The following PEBP4 variants were observed in gnomAD, a reference collection of about 807,000 sequenced individuals.
PEBP4 encodes phosphatidylethanolamine-binding protein 4.
Under a neutral mutation model 23.9 loss-of-function variants are expected in PEBP4, and 22 were observed. The ratio of observed to expected loss-of-function variants is 0.92; its 90% CI spans 0.66 to 1.31. PEBP4 has a LOEUF of 1.31. Ranked by LOEUF, PEBP4 falls within the 40% of genes most tolerant of loss-of-function variation. The pLI is 0.00. For missense variants in PEBP4, 324 were observed against 281.7 expected (o/e 1.15, Z -1.07); for synonymous variants, 112 against 99.3 (o/e 1.13, Z -0.76).
intron 4 of PEBP4, among the ~76,000 whole-genome samples, chr8:22,748,078 G>T (rs1019116860): frequency 3.9e-5 from 6 of 152,206 alleles, no homozygotes; most frequent in African/African-American, 1.4e-4. Flanking sequence ...ACATCCACAC[G>T]CATGTGCACA....
intron 4 of PEBP4, among the ~76,000 whole-genome samples, chr8:22,810,457 A>G (rs1241407259): frequency 6.6e-6 from 1 of 152,014 alleles, no homozygotes; most frequent in East Asian, 1.9e-4. Context: ...TCCTAAGAGC[A>G]TCTGCTCAGG....
intron 3 of PEBP4, among the ~76,000 whole-genome samples, chr8:22,838,244 G>T (rs1011664812): frequency 2.0e-5 from 3 of 152,070 alleles, no homozygotes; most frequent in Non-Finnish European, 4.4e-5. Flanking sequence ...TTTCTTTGTT[G>T]CTCCTGAAGT....
At chr8:22,849,765 G>A (rs538313535) in intron 3 of PEBP4, among the ~76,000 whole-genome samples, 116 of 152,292 alleles carry the variant, frequency 7.6e-4, no homozygotes, top group African/African-American at 2.6e-3. Context: ...GCAAATAAAG[G>A]TTAAAGATGT....
At chr8:22,794,851 G>A (rs1184251191) in intron 4 of PEBP4, among the ~76,000 whole-genome samples, 1 of 151,788 alleles carries the variant, frequency 6.6e-6, no homozygotes, top group Non-Finnish European at 1.5e-5. Flanking sequence ...TTCTATTATG[G>A]TTTAACTTTA....
Position 22,744,064 on chromosome 8 carries a change from C to A in PEBP4, c.358-16844G>T, listed in dbSNP as rs771216630. On this transcript the variant is annotated intron_variant, in intron 4 of 6. Coordinates refer to ENST00000256404, the MANE Select transcript of PEBP4 (RefSeq NM_144962.3). ...TTTAAAGAGATACTTGCCCTGTGTT[C>A]CCAGGATCAGCTCCCTGAGAGACTC... 9.2e-5 allele frequency among the ~76,000 whole-genome samples: 14 copies of A among 152,196 alleles called. 1 individual carries two copies. The highest frequency in any genetic ancestry group is 1.5e-5 in the Non-Finnish European group (1 of 68,038).
intron 1 of PEBP4, among the ~76,000 whole-genome samples, chr8:22,938,396 C>T (rs1489518960): frequency 2.0e-5 from 3 of 152,218 alleles, no homozygotes; most frequent in Non-Finnish European, 4.4e-5. Flanking sequence ...CCTTCATGTG[C>T]TATTTAAACA....
intron 3 of PEBP4, among the ~76,000 whole-genome samples, chr8:22,864,841 G>A (rs1290406459): frequency 6.6e-6 from 1 of 152,190 alleles, no homozygotes; most frequent in Non-Finnish European, 1.5e-5. Context: ...GGGGGCCGCT[G>A]GGCACCGCCG....
chr8:22,935,954 C>T (rs1431791170), intron 1 of PEBP4, among the ~76,000 whole-genome samples: 2 of 145,504 alleles, frequency 1.4e-5, no homozygotes, highest in Non-Finnish European at 3.0e-5. Context: ...GTTGTAAATG[C>T]TTATATTAAA....
intron 4 of PEBP4, among the ~76,000 whole-genome samples, chr8:22,749,805 CTTTT>C (rs71206545): frequency 2.4e-5 from 2 of 83,760 alleles, no homozygotes; most frequent in African/African-American, 3.9e-5. Context: ...GTTTGTCATT[CTTTT>C]TTTTTTTTTT....
intron 4 of PEBP4, among the ~76,000 whole-genome samples, chr8:22,764,568 T>C (rs1805572536): frequency 6.6e-6 from 1 of 152,198 alleles, no homozygotes; most frequent in African/African-American, 2.4e-5. Flanking sequence ...TATATTATAA[T>C]AGTGTTCGCA....
At chr8:22,728,547 TCTTTCTTTCTTTCTTCCTTCCTTCCTTC>T (rs1190271170) in intron 4 of PEBP4, among the ~76,000 whole-genome samples, 26 of 107,748 alleles carry the variant, frequency 2.4e-4, no homozygotes, top group South Asian at 3.3e-4. Flanking sequence ...TTCCTTCCTT[TCTTTCTTTCTTTCTTCCTTCCTTCCTTC>T]CTTCCTTCCT....
At chr8:22,779,075 A>AGGGGGGGG (rs1554484511) in intron 4 of PEBP4, among the ~76,000 whole-genome samples, 1 of 4,134 alleles carries the variant, frequency 2.4e-4, no homozygotes. Flanking sequence ...TGGGCGGGGG[A>AGGGGGGGG]GGTGGGGGAG....
intron 6 of PEBP4, among the ~76,000 whole-genome samples, chr8:22,716,344 G>A (rs1804419057): frequency 6.6e-6 from 1 of 152,198 alleles, no homozygotes; most frequent in South Asian, 2.1e-4. Flanking sequence ...AGTGATGAGA[G>A]ATGTTAGATT....
chr8:22,890,063 G>T (rs1808462026), intron 3 of PEBP4, among the ~76,000 whole-genome samples: 3 of 152,196 alleles, frequency 2.0e-5, no homozygotes, highest in African/African-American at 7.2e-5. Flanking sequence ...AGGAGAACAT[G>T]AGCCAGTACT....
intron 3 of PEBP4, among the ~76,000 whole-genome samples, chr8:22,869,661 G>A (rs1194168680): frequency 6.6e-6 from 1 of 152,188 alleles, no homozygotes; most frequent in Non-Finnish European, 1.5e-5. Flanking sequence ...AGACATACTT[G>A]ATAATGGACT....
At chr8:22,863,238 A>G (rs953000700) in intron 3 of PEBP4, among the ~76,000 whole-genome samples, 1 of 152,128 alleles carries the variant, frequency 6.6e-6, no homozygotes, top group African/African-American at 2.4e-5. Context: ...CTGCCCCAGT[A>G]GACAAAGCTG....
intron 6 of PEBP4, among the ~76,000 whole-genome samples, chr8:22,715,413 G>A: frequency 8.0e-6 from 1 of 125,712 alleles, no homozygotes; most frequent in Middle Eastern, 4.5e-3. Context: ...TGTATGTGTG[G>A]GTGCACGTGT....
chr8:22,808,964 C>T (rs1284505897), intron 4 of PEBP4, among the ~76,000 whole-genome samples: 1 of 152,204 alleles, frequency 6.6e-6, no homozygotes, highest in African/African-American at 2.4e-5. Context: ...TGGCTTCTCT[C>T]CTTCAAGGTC....
At chr8:22,729,778 G>C (rs1198948452) in intron 4 of PEBP4, among the ~76,000 whole-genome samples, 1 of 152,308 alleles carries the variant, frequency 6.6e-6, no homozygotes, top group East Asian at 1.9e-4. Flanking sequence ...CAGAAAGAAC[G>C]GGGGAGGACC....
Sources: gnomAD v4.1 joint callset for allele counts (sites outside exome capture counted in the v4.1 genomes callset) on GRCh38, gnomAD v4.1.1 for gene constraint, MANE v1.5 for transcripts, NCBI Gene and HGNC (gene_info 2026-07-23, HGNC 2026-07-21) for gene names.